Variants in PPIL6 observed in about 807,000 individuals in gnomAD.
The protein encoded by PPIL6 is peptidylprolyl isomerase like 6.
PPIL6 carries 39 observed loss-of-function variants against 36.8 expected under a neutral mutation model. The observed-to-expected ratio is 1.06, with a 90% CI of 0.82 to 1.38. The LOEUF (loss-of-function observed/expected upper bound fraction) is 1.38, where lower values mean the gene tolerates loss of function less well. Ranked by LOEUF, PPIL6 falls within the 40% of genes most tolerant of loss-of-function variation. The probability of loss-of-function intolerance (pLI) is 0.00; values close to 1 mark genes in which losing one functional copy is unlikely to be tolerated. For synonymous variants in PPIL6, 123 were observed against 134.1 expected (o/e 0.92, Z 0.57); for missense variants, 368 against 379.1 (o/e 0.97, Z 0.24).
intron 1 of PPIL6, among the ~76,000 whole-genome samples, chr6:109,438,152 T>A (rs1774557429): frequency 6.6e-6 from 1 of 152,108 alleles, no homozygotes; most frequent in Admixed American, 6.5e-5. Context: ...AGCATATCCA[T>A]CATCTCAAAC....
At chr6:109,395,537 C>T (rs1279401118) in intron 7 of PPIL6, among the ~76,000 whole-genome samples, 4 of 151,742 alleles carry the variant, frequency 2.6e-5, no homozygotes, top group Non-Finnish European at 2.9e-5. Flanking sequence ...ACATTTCCAT[C>T]GTCACAGAGA....
At chr6:109,437,370 T>C (rs1031072981) in intron 1 of PPIL6, among the ~76,000 whole-genome samples, 4 of 152,160 alleles carry the variant, frequency 2.6e-5, no homozygotes, top group Admixed American at 1.3e-4. Flanking sequence ...GGGTGAGTAT[T>C]CCAAGGGGAG....
chr6:109,430,465 G>T (rs1215949395), intron 3 of PPIL6, among the ~76,000 whole-genome samples: 3 of 149,992 alleles, frequency 2.0e-5, no homozygotes, highest in Non-Finnish European at 4.4e-5. Context: ...GTCTCGCTCT[G>T]CACCAGGCTG....
At chr6:109,440,659 T>A (rs1316612827), upstream of PPIL6, 7 of 1,112,564 alleles carry the variant, frequency 6.3e-6, no homozygotes, top group Non-Finnish European at 7.7e-6. Context: ...CGGCCCCGCC[T>A]CCGCCGCTCG....
intron 6 of PPIL6, among the ~76,000 whole-genome samples, chr6:109,401,642 C>A (rs1313640848): frequency 6.6e-6 from 1 of 151,812 alleles, no homozygotes; most frequent in East Asian, 1.9e-4. Flanking sequence ...TTATTCATTT[C>A]AGTGAAATAA....
chr6:109,420,511 A>G (rs1327128761), intron 5 of PPIL6, among the ~76,000 whole-genome samples: 1 of 152,168 alleles, frequency 6.6e-6, no homozygotes, highest in Non-Finnish European at 1.5e-5. Context: ...CATGCTACGC[A>G]TATTTTGGTT....
intron 3 of PPIL6, among the ~76,000 whole-genome samples, chr6:109,428,011 G>A (rs1773915701): frequency 6.6e-6 from 1 of 152,168 alleles, no homozygotes; most frequent in Admixed American, 6.5e-5. Flanking sequence ...CATAGCAGGT[G>A]TAGCACCAGA....
In PPIL6 at chr6:109,391,742, G is replaced by T. The variant is rs11756093; in HGVS notation, c.*1084C>A. 2 of 152,114 alleles carry T rather than the reference G, an allele frequency of 1.3e-5. No individual in the cohort carries two copies. The highest frequency in any genetic ancestry group is 4.8e-5 in the African/African-American group (2 of 41,408). The allele number at this position is 152,114 out of a possible 1,614,324, so 9.4% of individuals were successfully genotyped here. ...TAACATCACATGAGTCAGCCACCAC[G>T]GACACTGTAAAACAAGCCCTTGGTT... On this transcript the variant is annotated 3_prime_UTR_variant, in exon 8 of 8. Coordinates refer to ENST00000521072, the MANE Select transcript of PPIL6 (RefSeq NM_173672.5).
chr6:109,414,714 G>A (rs1019843474), intron 6 of PPIL6, among the ~76,000 whole-genome samples: 2 of 151,694 alleles, frequency 1.3e-5, no homozygotes, highest in African/African-American at 2.4e-5. Context: ...AGCTTATTTT[G>A]ATATAGACTG....
intron 1 of PPIL6, among the ~76,000 whole-genome samples, chr6:109,437,969 C>T (rs1011678926): frequency 3.3e-5 from 5 of 152,272 alleles, no homozygotes; most frequent in East Asian, 1.9e-4. Context: ...TGTTGTAGAA[C>T]GGACTATATC....
Position 109,401,885 on chromosome 6 carries a change from G to A in PPIL6, c.689-1715C>T, listed in dbSNP as rs909105022. On this transcript the variant is annotated intron_variant, in intron 6 of 7. Transcript: ENST00000521072. Reference sequence around the variant, plus strand: ...ACTACAAGCGCCCACCACCACGCCCGGCTAATTTTTTGTATTTTTAGTGGA... The same window carrying A: ...ACTACAAGCGCCCACCACCACGCCCAGCTAATTTTTTGTATTTTTAGTGGA... Among the ~76,000 whole-genome samples the A allele has an allele frequency of 5.3e-5, 8 of 151,958 alleles. No homozygotes were observed. In the Middle Eastern group the frequency reaches 0.01, roughly 194 times the overall value.
chr6:109,403,544 C>G, intron 6 of PPIL6, among the ~76,000 whole-genome samples: 1 of 152,052 alleles, frequency 6.6e-6, no homozygotes, highest in Non-Finnish European at 1.5e-5. Context: ...AGGTTTGATT[C>G]AAGCCTATTT....
intron 6 of PPIL6, among the ~76,000 whole-genome samples, chr6:109,414,435 G>A (rs1773150022): frequency 7.0e-6 from 1 of 143,378 alleles, no homozygotes; most frequent in South Asian, 2.2e-4. Flanking sequence ...TCTGATTTAT[G>A]AGCTCTTTCA....
chr6:109,429,985 T>G (rs972444641), intron 3 of PPIL6, among the ~76,000 whole-genome samples: 1 of 152,332 alleles, frequency 6.6e-6, no homozygotes, highest in Admixed American at 6.5e-5. Flanking sequence ...TCCCAGGGCA[T>G]GTACAGCTAG....
chr6:109,440,970 C>G (rs1308253323), upstream of PPIL6: 3 of 724,832 alleles, frequency 4.1e-6, no homozygotes, highest in East Asian at 2.8e-5. Flanking sequence ...GAGTCGGGCC[C>G]GACCTGAGCC....
chr6:109,400,121 G>A lies in PPIL6; in HGVS notation c.738C>T (p.Ala246=), dbSNP rs750607617. The part of the protein sequence containing the change: ...PHNKRGVLGM[A]NKGRHSNGSQ... ...ACCCGTTGCTGTGACGGCCTTTGTT[G>A]GCCATTCCAAGTACTCCTCTTTTAT... The change falls in exon 7 of 8, where the codon GCC becomes GCT. Residue 246 remains alanine, a synonymous_variant. Transcript: ENST00000521072. The A allele has an allele frequency of 8.1e-6, 13 of 1,613,188 alleles. No individual in the cohort carries two copies. The highest frequency in any genetic ancestry group is 1.3e-5 in the African/African-American group (1 of 74,860).
chr6:109,392,783 G>T lies in PPIL6; in HGVS notation c.*43C>A. The T allele has an allele frequency of 8.7e-7, 1 of 1,143,256 alleles. No homozygotes were observed. Among genetic ancestry groups the T allele is most frequent in the Non-Finnish European group, 1.3e-6 (1 of 777,932 alleles). The allele number at this position is 1,143,256 out of a possible 1,614,324, so 70.8% of individuals were successfully genotyped here. ...AATTAAATCCACAAACAGCTGATCAGATACAAAGTAATAAATTATCACAGA... is the reference window on the plus strand; with the variant it reads ...AATTAAATCCACAAACAGCTGATCATATACAAAGTAATAAATTATCACAGA... On this transcript the variant is annotated 3_prime_UTR_variant, in exon 8 of 8. Coordinates refer to ENST00000521072, the MANE Select transcript of PPIL6 (RefSeq NM_173672.5).
At chr6:109,409,414 A>T (rs867456500) in intron 6 of PPIL6, among the ~76,000 whole-genome samples, 2 of 152,078 alleles carry the variant, frequency 1.3e-5, no homozygotes, top group Non-Finnish European at 2.9e-5. Flanking sequence ...ATACAAAAAA[A>T]TTAGCCAGGC....
chr6:109,411,081 G>A (rs1012669151), intron 6 of PPIL6, among the ~76,000 whole-genome samples: 2 of 152,180 alleles, frequency 1.3e-5, no homozygotes, highest in African/African-American at 2.4e-5. Flanking sequence ...CTTAGGAGTA[G>A]CTTTCCCTTG....
Sources: gnomAD v4.1 joint callset for allele counts (sites outside exome capture counted in the v4.1 genomes callset) on GRCh38, gnomAD v4.1.1 for gene constraint, MANE v1.5 for transcripts, NCBI Gene and HGNC (gene_info 2026-07-23, HGNC 2026-07-21) for gene names.